Variants in DCUN1D4 observed in about 807,000 individuals in gnomAD.
The protein encoded by DCUN1D4 is defective in cullin neddylation 1 domain containing 4, also known as DCN1-like protein 4.
DCUN1D4 carries 22 observed loss-of-function variants against 47.9 expected under a neutral mutation model. The observed-to-expected ratio is 0.46, with a 90% CI of 0.33 to 0.66. The LOEUF is 0.66. Ranked by LOEUF, DCUN1D4 falls within the 30% of genes least tolerant of loss-of-function variation. The probability of loss-of-function intolerance (pLI) is 0.02; values close to 1 mark genes in which losing one functional copy is unlikely to be tolerated. For synonymous variants in DCUN1D4, 121 were observed against 112.2 expected, an observed-to-expected ratio of 1.08 and a Z score of -0.50; for missense variants, 301 against 340.8, an observed-to-expected ratio of 0.88 and a Z score of 0.92.
At chr4:51,878,789 AC>A (rs1257260778) in intron 5 of DCUN1D4, among the ~76,000 whole-genome samples, 1 of 152,208 alleles carries the variant, frequency 6.6e-6, no homozygotes, top group Non-Finnish European at 1.5e-5. Context: ...CCTTTTCTGT[AC>A]TTCCACAGGA....
rs1438982059 is a variant in DCUN1D4, at chr4:51,877,764, A to C, written c.253A>C (p.Met85Leu). The change falls in exon 5 of 11, where the codon ATG (methionine) becomes CTG (leucine). Residue 85 changes from methionine to leucine, a missense_variant and splice_region_variant. Around this residue, in one of 2 missense-constraint regions of DCUN1D4, gnomAD observed 131 missense variants for 106.3 expected, o/e 1.23. Transcript: ENST00000334635. Reference sequence around the variant, plus strand: ...TAAAACTGCCTTTTCAATTTCCAGCATGTATAGAAAATATGATTCGACTAG... The same window carrying C: ...TAAAACTGCCTTTTCAATTTCCAGCCTGTATAGAAAATATGATTCGACTAG... ...LSAKKSRHDS[M>L]YRKYDSTRIK... is the part of the protein sequence containing the mutation. The C allele has an allele frequency of 1.9e-6, 3 of 1,597,004 alleles. No homozygotes were observed. The highest frequency in any genetic ancestry group is 2.2e-5 in the East Asian group (1 of 44,714).
At chr4:51,871,940 C>T (rs1726962251) in intron 3 of DCUN1D4, among the ~76,000 whole-genome samples, 1 of 152,180 alleles carries the variant, frequency 6.6e-6, no homozygotes, top group African/African-American at 2.4e-5. Flanking sequence ...GACTCTTTCT[C>T]TTCCACACCC....
chr4:51,864,874 C>T (rs896614825), intron 3 of DCUN1D4, among the ~76,000 whole-genome samples: 5 of 152,096 alleles, frequency 3.3e-5, no homozygotes, highest in South Asian at 4.1e-4. Flanking sequence ...AAGTTACAGT[C>T]GTCTTTTAGA....
In DCUN1D4 at chr4:51,911,119, G is replaced by T; in HGVS notation, c.665G>T (p.Gly222Val). ...ATAAACACTGCCAAGTGCATGTTGG[G>T]ACTGTTATTAGGAAAAATCTGGCCC... Reference protein sequence around the residue: ...LDINTAKCMLGLLLGKIWPLF... With the variant: ...LDINTAKCMLVLLLGKIWPLF... The change falls in exon 9 of 11, where the codon GGA becomes GTA. Residue 222 changes from glycine (G) to valine (V), a missense_variant. By Grantham distance (109) the Gly-to-Val change is moderately radical. Transcript: ENST00000334635. 1 of 1,612,910 alleles carries T rather than the reference G, an allele frequency of 6.2e-7. No individual in the cohort carries two copies. The highest frequency in any genetic ancestry group is 8.5e-7 in the Non-Finnish European group (1 of 1,179,626).
intron 8 of DCUN1D4, among the ~76,000 whole-genome samples, chr4:51,907,809 A>T (rs1391390013): frequency 6.6e-6 from 1 of 152,194 alleles, no homozygotes; most frequent in Non-Finnish European, 1.5e-5. Context: ...TCAGATGTTT[A>T]AAGGTTCATT....
intron 8 of DCUN1D4, among the ~76,000 whole-genome samples, chr4:51,908,097 A>G (rs1229854726): frequency 6.6e-6 from 1 of 152,322 alleles, no homozygotes; most frequent in Non-Finnish European, 1.5e-5. Context: ...GAATATTTAG[A>G]GTAGGATCCT....
chr4:51,901,909 T>G (rs1732180151), intron 8 of DCUN1D4, among the ~76,000 whole-genome samples: 1 of 152,220 alleles, frequency 6.6e-6, no homozygotes, highest in Non-Finnish European at 1.5e-5. Flanking sequence ...TAAAATATGC[T>G]CTAAGATAAA....
At chr4:51,886,687 C>T in intron 6 of DCUN1D4, 49 bp downstream of exon 6, 1 of 1,435,742 alleles carries the variant, frequency 7.0e-7, no homozygotes, top group Non-Finnish European at 9.8e-7. Context: ...GTTTTTCATA[C>T]TTAAATCTTT....
chr4:51,870,362 C>T (rs1726690529), intron 3 of DCUN1D4, among the ~76,000 whole-genome samples: 2 of 152,058 alleles, frequency 1.3e-5, no homozygotes, highest in East Asian at 3.9e-4. Context: ...AAGAAGCAAG[C>T]ATTCCTTGAA....
In DCUN1D4 at chr4:51,915,238, TAC is replaced by T. The variant is rs886510321; in HGVS notation, c.*1656_*1657del. The T allele has an allele frequency of 6.6e-6, 1 of 152,628 alleles. No homozygotes were observed. The highest frequency in any genetic ancestry group is 2.4e-5 in the African/African-American group (1 of 41,472). 9.5% of individuals were successfully genotyped at this position (152,628 alleles called of 1,614,324 possible). A position where few individuals can be genotyped will look rare whatever the true frequency, so the allele number is the denominator to read the frequency against. On this transcript the variant is annotated 3_prime_UTR_variant, in exon 11 of 11. Transcript: ENST00000334635. ...CAAAGAAAGAAATTTTGTATGTATA[TAC>T]AGTGTGTGTGTATACAAAATCATGA... is the stretch of plus-strand genomic sequence containing the variant.
chr4:51,834,421 G>A, the DCUN1D4 span, among the ~76,000 whole-genome samples: 1 of 151,836 alleles, frequency 6.6e-6, no homozygotes, highest in Admixed American at 6.6e-5. Flanking sequence ...AGGGAAGAAA[G>A]AAGCATCTCC....
intron 1 of DCUN1D4, 48 bp downstream of exon 1, chr4:51,843,315 A>G (rs775021452): frequency 3.9e-5 from 58 of 1,497,754 alleles, no homozygotes; most frequent in Middle Eastern, 2.0e-4. Context: ...GCGGCTGCCA[A>G]ACTCGCCACT....
At chr4:51,848,117 G>A (rs1431759231) in intron 1 of DCUN1D4, 5 of 1,034,154 alleles carry the variant, frequency 4.8e-6, no homozygotes, top group Non-Finnish European at 5.2e-6. Flanking sequence ...TTTCTTCAAG[G>A]AACACAAGCT....
chr4:51,843,450 G>A, intron 1 of DCUN1D4, 183 bp downstream of exon 1: 1 of 1,243,556 alleles, frequency 8.0e-7, no homozygotes, highest in South Asian at 2.2e-5. Flanking sequence ...CGTGGGGCGG[G>A]GGCGGGCGTG....
chr4:51,895,582 A>C (rs866480722), intron 7 of DCUN1D4, among the ~76,000 whole-genome samples: 19 of 142,054 alleles, frequency 1.3e-4, no homozygotes, highest in Admixed American at 8.3e-4. Context: ...AAAAAAAAAA[A>C]AAAAAACAGT....
chr4:51,887,908 T>G (rs1729765310), intron 6 of DCUN1D4, among the ~76,000 whole-genome samples: 1 of 151,600 alleles, frequency 6.6e-6, no homozygotes, highest in African/African-American at 2.4e-5. Context: ...TTTTTGGTTT[T>G]TTTTTTTTTT....
chr4:51,894,063 TG>T (rs1003181557), intron 7 of DCUN1D4, among the ~76,000 whole-genome samples: 1 of 152,168 alleles, frequency 6.6e-6, no homozygotes, highest in African/African-American at 2.4e-5. Context: ...TTGGGAACCT[TG>T]CTTGCCACTT....
intron 3 of DCUN1D4, among the ~76,000 whole-genome samples, chr4:51,868,212 T>A (rs1368043209): frequency 6.6e-6 from 1 of 152,122 alleles, no homozygotes; most frequent in Non-Finnish European, 1.5e-5. Flanking sequence ...GATGCCTGGG[T>A]CCGCAGCCAT....
upstream of DCUN1D4, among the ~76,000 whole-genome samples, chr4:51,842,415 G>C (rs545620782): frequency 7.0e-4 from 107 of 152,370 alleles, no homozygotes; most frequent in Middle Eastern, 3.4e-3. Flanking sequence ...AAAGAAGTGT[G>C]CGAACTCTGC....
Sources: gnomAD v4.1 joint callset for allele counts (sites outside exome capture counted in the v4.1 genomes callset) on GRCh38, gnomAD v4.1.1 for gene constraint, gnomAD v4.1.1 regional missense constraint, MANE v1.5 for transcripts, NCBI Gene and HGNC (gene_info 2026-07-23, HGNC 2026-07-21) for gene names.